The following CACNB2 variants were observed in gnomAD, a reference collection of about 807,000 sequenced individuals.
The protein encoded by CACNB2 is voltage-dependent L-type calcium channel subunit beta-2.
Under a neutral mutation model 73.3 loss-of-function variants are expected in CACNB2, and 42 were observed. That is an observed-to-expected ratio of 0.57 (90% confidence interval 0.45 to 0.74). The LOEUF is 0.74. Ranked by LOEUF, CACNB2 falls within the 30% of genes least tolerant of loss-of-function variation. The pLI, the probability that CACNB2 is intolerant of heterozygous loss-of-function variation, is 0.00. For missense variants in CACNB2, 940 were observed against 853.0 expected (o/e 1.10, Z -1.27); for synonymous variants, 348 against 310.3 (o/e 1.12, Z -1.28).
intron 2 of CACNB2, among the ~76,000 whole-genome samples, chr10:18,217,795 G>C (rs751039927): frequency 2.0e-5 from 3 of 151,912 alleles, no homozygotes; most frequent in Non-Finnish European, 4.4e-5. Context: ...AGCAGAAAGA[G>C]GGAAGGAGGA....
intron 2 of CACNB2, among the ~76,000 whole-genome samples, chr10:18,244,610 A>T: frequency 6.6e-6 from 1 of 152,166 alleles, no homozygotes; most frequent in South Asian, 2.1e-4. Flanking sequence ...TCTTTTGTCA[A>T]CCTTATGTAG....
chr10:18,326,955 C>T (rs1213967505), intron 2 of CACNB2, among the ~76,000 whole-genome samples: 1 of 152,124 alleles, frequency 6.6e-6, no homozygotes, highest in Non-Finnish European at 1.5e-5. Context: ...TCTTGAACTC[C>T]TGGACTCAAG....
intron 2 of CACNB2, among the ~76,000 whole-genome samples, chr10:18,175,662 A>G (rs1265150562): frequency 6.6e-6 from 1 of 152,130 alleles, no homozygotes; most frequent in Admixed American, 6.5e-5. Flanking sequence ...CAATGGTGCA[A>G]TCTCGGCTCA....
intron 3 of CACNB2, among the ~76,000 whole-genome samples, chr10:18,421,405 C>T (rs1306067512): frequency 1.3e-5 from 2 of 151,576 alleles, no homozygotes; most frequent in Admixed American, 1.3e-4. Flanking sequence ...TCAAGTGATT[C>T]TCTGGCCTCA....
chr10:18,201,670 C>T (rs1011703440), intron 2 of CACNB2, among the ~76,000 whole-genome samples: 5 of 152,102 alleles, frequency 3.3e-5, no homozygotes, highest in African/African-American at 9.7e-5. Flanking sequence ...CAGATTAGGG[C>T]GATAGCATAT....
At chr10:18,470,993 C>T (rs756690977) in intron 3 of CACNB2, among the ~76,000 whole-genome samples, 9 of 151,978 alleles carry the variant, frequency 5.9e-5, no homozygotes, top group Non-Finnish European at 1.2e-4. Context: ...CCACAGCCAT[C>T]GATGTGGTCA....
intron 2 of CACNB2, among the ~76,000 whole-genome samples, chr10:18,355,099 A>G (rs909476575): frequency 7.9e-5 from 12 of 152,174 alleles, no homozygotes; most frequent in East Asian, 1.9e-4. Flanking sequence ...TCCATCCCCA[A>G]TGTAGCTCAT....
intron 12 of CACNB2, among the ~76,000 whole-genome samples, chr10:18,537,589 C>T (rs1354336794): frequency 6.6e-6 from 1 of 151,838 alleles, no homozygotes; most frequent in Non-Finnish European, 1.5e-5. Flanking sequence ...CCAGCCTGGC[C>T]AACATGGCAA....
At chr10:18,300,804 G>T (rs185306038) in intron 2 of CACNB2, among the ~76,000 whole-genome samples, 1 of 152,052 alleles carries the variant, frequency 6.6e-6, no homozygotes, top group Non-Finnish European at 1.5e-5. Flanking sequence ...AACTGAGATC[G>T]TGCCACTGCA....
intron 10 of CACNB2, among the ~76,000 whole-genome samples, chr10:18,529,343 C>T (rs1405364036): frequency 6.6e-6 from 1 of 151,916 alleles, no homozygotes; most frequent in African/African-American, 2.4e-5. Flanking sequence ...ATGTGGAAGC[C>T]CATGAATAAA....
chr10:18,539,740 G>GT lies in CACNB2; in HGVS notation c.*35dup, dbSNP rs34022725. 0.026 allele frequency: 37,138 copies of GT among 1,429,264 alleles called. 206 individuals are homozygous for GT. Among genetic ancestry groups the GT allele is most frequent in the African/African-American group, 0.095 (6,005 of 63,220 alleles). 88.5% of individuals were successfully genotyped at this position (1,429,264 alleles called of 1,614,324 possible). On this transcript the variant is annotated 3_prime_UTR_variant, in exon 14 of 14. Transcript: ENST00000324631. Reference sequence around the variant, plus strand: ...CCGCCAATGAGTTTTGCCCGTTTGTGTTTTTTTTTTTTTTTTTTTGAAGTC... The same window carrying GT: ...CCGCCAATGAGTTTTGCCCGTTTGTGTTTTTTTTTTTTTTTTTTTTGAAGTC...
At chr10:18,298,353 G>C (rs1372329934) in intron 2 of CACNB2, among the ~76,000 whole-genome samples, 1 of 149,698 alleles carries the variant, frequency 6.7e-6, no homozygotes, top group Admixed American at 6.7e-5. Flanking sequence ...CTGGGCGAAA[G>C]AGCGAAACTC....
In CACNB2 at chr10:18,236,407, A is replaced by G. The variant is rs2036447676; in HGVS notation, c.213+85432A>G. Among the ~76,000 whole-genome samples, 4 of 152,260 alleles carry G rather than the reference A, an allele frequency of 2.6e-5. No homozygotes were observed. The South Asian group carries it at 8.3e-4, about 31-fold the overall frequency. On this transcript the variant is annotated intron_variant, in intron 2 of 13. Coordinates refer to ENST00000324631, the MANE Select transcript of CACNB2 (RefSeq NM_201596.3). ...ATGGGAGATCACAAATCCATAAAAA[A>G]CAGGTGAGGTAGAGAGAAAAAGAAG... is the stretch of plus-strand genomic sequence containing the variant.
intron 2 of CACNB2, among the ~76,000 whole-genome samples, chr10:18,329,611 A>C (rs1043999296): frequency 8.5e-5 from 13 of 152,054 alleles, no homozygotes; most frequent in African/African-American, 3.1e-4. Flanking sequence ...ATTTGCACTA[A>C]GTGTGCGTTT....
At chr10:18,234,473 A>G (rs1028216351) in intron 2 of CACNB2, among the ~76,000 whole-genome samples, 1 of 152,198 alleles carries the variant, frequency 6.6e-6, no homozygotes, top group African/African-American at 2.4e-5. Context: ...ACAATAGCCA[A>G]AAAGATGGAG....
At chr10:18,417,360 CTTTTTT>C (rs34847923) in intron 3 of CACNB2, among the ~76,000 whole-genome samples, 4 of 87,014 alleles carry the variant, frequency 4.6e-5, no homozygotes, top group East Asian at 3.4e-4. Context: ...GCTAAAAATT[CTTTTTT>C]TTTTTTTTTT....
chr10:18,279,871 G>C (rs1325391668), intron 2 of CACNB2, among the ~76,000 whole-genome samples: 2 of 152,150 alleles, frequency 1.3e-5, no homozygotes, highest in African/African-American at 4.8e-5. Context: ...CTTGAGGTCT[G>C]GAGTTGAAGA....
At chr10:18,320,853 G>A (rs2040373687) in intron 2 of CACNB2, among the ~76,000 whole-genome samples, 1 of 152,124 alleles carries the variant, frequency 6.6e-6, no homozygotes, top group African/African-American at 2.4e-5. Context: ...CATTTTGGAT[G>A]CTCTCAATAG....
At chr10:18,374,049 A>G (rs2042693884) in intron 2 of CACNB2, among the ~76,000 whole-genome samples, 1 of 152,232 alleles carries the variant, frequency 6.6e-6, no homozygotes. Context: ...AAAATATTAT[A>G]ATTAACAGCA....
Sources: allele counts gnomAD v4.1 joint callset (sites outside exome capture counted in the v4.1 genomes callset), GRCh38; gene constraint gnomAD v4.1.1; transcripts MANE v1.5; gene names NCBI Gene and HGNC (gene_info 2026-07-23, HGNC 2026-07-21).